DDX50: variants seen among roughly 807,000 people sequenced by gnomAD.
DDX50 encodes the protein DExD-box helicase 50.
A neutral mutation model predicts 94.8 loss-of-function variants in DDX50; 56 were observed. That is an observed-to-expected ratio of 0.59 (90% CI 0.48 to 0.74). DDX50 has a LOEUF of 0.74. Among genes scored for constraint, DDX50 ranks in the 30% least tolerant of loss-of-function variants. The pLI, the probability that DDX50 is intolerant of heterozygous loss-of-function variation, is 0.00. For synonymous variants in DDX50, 264 were observed against 295.4 expected, an observed-to-expected ratio of 0.89 and a Z score of 1.09; for missense variants, 713 against 881.2, an observed-to-expected ratio of 0.81 and a Z score of 2.42.
rs967340596 is a variant in DDX50, at chr10:68,933,702, G to A, written c.1240-497G>A. 2.0e-5 allele frequency among the ~76,000 whole-genome samples: 3 copies of A among 152,060 alleles called. No individual in the cohort carries two copies. The East Asian group carries it at 5.8e-4, about 29-fold the overall frequency. On this transcript the variant is annotated intron_variant, in intron 8 of 14. Transcript: ENST00000373585. The stretch of plus-strand genomic sequence containing the variant: ...TAATCCCAGCACTTTGGGAGGCAGA[G>A]GCTGGCGGATCACCTGAGGTCAGCG...
intron 12 of DDX50, among the ~76,000 whole-genome samples, chr10:68,937,340 C>A (rs926421522): frequency 6.6e-6 from 1 of 151,940 alleles, no homozygotes; most frequent in African/African-American, 2.4e-5. Context: ...CACCTAGATT[C>A]AACTGTTAAA....
chr10:68,931,846 C>T (rs1251350001), intron 8 of DDX50, among the ~76,000 whole-genome samples: 3 of 152,070 alleles, frequency 2.0e-5, no homozygotes, highest in Admixed American at 6.6e-5. Context: ...CCCCTCATCC[C>T]CGCTCCCTTT....
chr10:68,940,106 T>G (rs546835663), intron 12 of DDX50, among the ~76,000 whole-genome samples: 1 of 152,266 alleles, frequency 6.6e-6, no homozygotes, highest in Admixed American at 6.5e-5. Context: ...TTAAAGAAAT[T>G]GTTCAGGCAT....
At chr10:68,910,452 G>C in intron 3 of DDX50, 70 bp downstream of exon 3, 2 of 1,307,192 alleles carry the variant, frequency 1.5e-6, no homozygotes, top group Admixed American at 2.3e-5. Flanking sequence ...GCCCAGGCTG[G>C]AGTGCAGTGG....
intron 2 of DDX50, 126 bp downstream of exon 2, chr10:68,907,133 C>T (rs1841477931): frequency 1.1e-6 from 1 of 952,156 alleles, no homozygotes. Context: ...CTTAGTTGCA[C>T]TAGAGTCTGT....
At chr10:68,929,268 CCTTCCTTCCTTCCTTCCTTCCTTCCTCT>C in intron 8 of DDX50, among the ~76,000 whole-genome samples, 1 of 76,536 alleles carries the variant, frequency 1.3e-5, no homozygotes. Flanking sequence ...TTCCTTCCTT[CCTTCCTTCCTTCCTTCCTTCCTTCCTCT>C]CTCTCTCTCT....
chr10:68,911,697 G>C (rs1251828761), intron 4 of DDX50: 1 of 152,470 alleles, frequency 6.6e-6, no homozygotes, highest in East Asian at 1.9e-4. Flanking sequence ...TCCTTGTGCA[G>C]GGGTCATGCT....
chr10:68,913,670 C>A, intron 6 of DDX50, 94 bp downstream of exon 6: 2 of 1,248,790 alleles, frequency 1.6e-6, no homozygotes, highest in Non-Finnish European at 2.2e-6. Context: ...GCAGTGTCCC[C>A]TGCGTTCTAA....
chr10:68,924,635 A>G (rs1447521218), intron 8 of DDX50, among the ~76,000 whole-genome samples: 1 of 150,860 alleles, frequency 6.6e-6, no homozygotes, highest in Non-Finnish European at 1.5e-5. Context: ...GCTTAAAAAT[A>G]TAGTCTGTAA....
intron 1 of DDX50, 61 bp from the exon 2 acceptor site, chr10:68,906,650 C>T: frequency 6.4e-7 from 1 of 1,565,836 alleles, no homozygotes; most frequent in Non-Finnish European, 8.6e-7. Flanking sequence ...GCTCTAACTT[C>T]TCTAGAGTCT....
At chr10:68,907,116 T>A in intron 2 of DDX50, 109 bp downstream of exon 2, 1 of 1,080,356 alleles carries the variant, frequency 9.3e-7, no homozygotes, top group Non-Finnish European at 1.3e-6. Flanking sequence ...GATTAGTGTC[T>A]AGTATTCTTA....
Position 68,933,380 on chromosome 10 carries a change from T to G in DDX50, c.1240-819T>G, listed in dbSNP as rs1191314842. 2.0e-5 allele frequency among the ~76,000 whole-genome samples: 3 copies of G among 151,940 alleles called. No homozygotes were observed. The East Asian group carries it at 5.8e-4, about 29-fold the overall frequency. ...CCACCATGCCCGGCCCATTGCAGCA[T>G]TGTTTCTAAAGGTGAAAATGTGAAT... On this transcript the variant is annotated intron_variant, in intron 8 of 14. Transcript: ENST00000373585.
At chr10:68,902,506 A>G (rs1342004806) in intron 1 of DDX50, among the ~76,000 whole-genome samples, 2 of 152,224 alleles carry the variant, frequency 1.3e-5, no homozygotes, top group African/African-American at 4.8e-5. Flanking sequence ...TTTTAAGTAT[A>G]TAGCTCTGTG....
chr10:68,904,994 T>G (rs148884832), intron 1 of DDX50, among the ~76,000 whole-genome samples: 20 of 152,394 alleles, frequency 1.3e-4, no homozygotes, highest in African/African-American at 4.8e-4. Flanking sequence ...CTATCACTAA[T>G]TACTGCTATC....
In DDX50 at chr10:68,913,270, C is replaced by G; in HGVS notation, c.748C>G (p.Gln250Glu). ...VACFYGGTSY[Q>E]SQINHIRNGI... ...GTGTTTTTATGGTGGAACATCATAT[C>G]AAAGCCAAAGTGAGTAAATATGTTT... The change falls in exon 5 of 15, where the codon CAA becomes GAA. Residue 250 changes from glutamine to glutamate, a missense_variant. Gln to Glu is a conservative substitution (Grantham distance 29, BLOSUM62 2). Transcript: ENST00000373585. The G allele has an allele frequency of 6.2e-7, 1 of 1,611,542 alleles. No homozygotes were observed. Among genetic ancestry groups the G allele is most frequent in the Non-Finnish European group, 8.5e-7 (1 of 1,179,366 alleles).
At position 68,914,090 on chromosome 10, in the gene DDX50, T is replaced by C. The variant is rs756598561; in HGVS notation, c.975T>C (p.Phe325=). 4 of 1,602,650 alleles carry C rather than the reference T, an allele frequency of 2.5e-6. No individual in the cohort carries two copies. Among genetic ancestry groups the C allele is most frequent in the Non-Finnish European group, 3.4e-6 (4 of 1,177,124 alleles). The change falls in exon 7 of 15, where the codon TTT becomes TTC. Residue 325 remains phenylalanine, a synonymous_variant. Transcript: ENST00000373585. ...DSEDNPQTLL[F]SATCPQWVYK... ...AAGACAATCCTCAGACTTTACTTTT[T>C]TCTGCAACTTGCCCACAGTGGGTAT...
At chr10:68,911,954 A>G (rs1211298792) in intron 4 of DDX50, among the ~76,000 whole-genome samples, 2 of 152,256 alleles carry the variant, frequency 1.3e-5, no homozygotes, top group African/African-American at 4.8e-5. Flanking sequence ...AATCAGCATC[A>G]TAATATGAAC....
At chr10:68,910,017 C>T (rs1241296376) in intron 2 of DDX50, among the ~76,000 whole-genome samples, 1 of 151,930 alleles carries the variant, frequency 6.6e-6, no homozygotes, top group African/African-American at 2.4e-5. Context: ...ATGGTGAGAC[C>T]CTGTCTCTAC....
At chr10:68,908,172 T>C (rs935358147) in intron 2 of DDX50, among the ~76,000 whole-genome samples, 1 of 152,004 alleles carries the variant, frequency 6.6e-6, no homozygotes, top group Non-Finnish European at 1.5e-5. Flanking sequence ...AAAAATAGGC[T>C]GGGCGCAGTG....
Sources: allele counts gnomAD v4.1 joint callset (sites outside exome capture counted in the v4.1 genomes callset), GRCh38; gene constraint gnomAD v4.1.1; transcripts MANE v1.5; gene names NCBI Gene and HGNC (gene_info 2026-07-23, HGNC 2026-07-21).